SERP2: variants seen among roughly 807,000 people sequenced by gnomAD.
SERP2 encodes the protein stress-associated endoplasmic reticulum protein 2.
A neutral mutation model predicts 9.1 loss-of-function variants in SERP2; 6 were observed. The ratio of observed to expected loss-of-function variants is 0.66; its 90% CI spans 0.36 to 1.30. The LOEUF (loss-of-function observed/expected upper bound fraction) is 1.30. Ranked by LOEUF, SERP2 falls within the 50% of genes most tolerant of loss-of-function variation. The probability of loss-of-function intolerance (pLI) is 0.03; values close to 1 mark genes in which losing one functional copy is unlikely to be tolerated. For synonymous variants in SERP2, 37 were observed against 27.3 expected (o/e 1.35, Z -1.10); for missense variants, 58 against 81.9 (o/e 0.71, Z 1.13).
At chr13:44,393,214 A>G (rs182090499) in intron 2 of SERP2, among the ~76,000 whole-genome samples, 79 of 152,314 alleles carry the variant, frequency 5.2e-4, no homozygotes, top group African/African-American at 1.8e-3. Context: ...AATAGCAGGT[A>G]AGAGAGTGCA....
At chr13:44,395,810 A>C (rs1873068054) in intron 2 of SERP2, 1 of 457,092 alleles carries the variant, frequency 2.2e-6, no homozygotes. Context: ...AGTCTACGGC[A>C]ACAAAATAAT....
Position 44,397,295 on chromosome 13 carries a change from A to G in SERP2, c.181A>G (p.Ile61Val). 6.2e-7 allele frequency: 1 copy of G among 1,613,840 alleles called. No individual in the cohort carries two copies. The highest frequency in any genetic ancestry group is 8.5e-7 in the Non-Finnish European group (1 of 1,179,742). Residue 61 changes from isoleucine to valine, a missense_variant, in exon 3 of 3, where the codon ATA (isoleucine) becomes GTA (valine). Ile to Val is a conservative substitution (Grantham distance 29). Transcript: ENST00000379179. The stretch of plus-strand genomic sequence containing the variant: ...AGCTATCTTTCAGATCATTCAGAGC[A>G]TAAGGATGGGCATGTGAGAAAGCCA... ...GSAIFQIIQS[I>V]RMGM
chr13:44,386,746 T>C (rs1046045214), intron 2 of SERP2, among the ~76,000 whole-genome samples: 2 of 152,378 alleles, frequency 1.3e-5, no homozygotes, highest in African/African-American at 2.4e-5. Context: ...ATACCTGTTA[T>C]GGGTCTGCTC....
intron 2 of SERP2, among the ~76,000 whole-genome samples, chr13:44,394,283 C>G (rs1192136498): frequency 3.9e-5 from 6 of 152,040 alleles, no homozygotes; most frequent in Non-Finnish European, 8.8e-5. Context: ...CACTACCACA[C>G]CCAGCTAATT....
intron 2 of SERP2, among the ~76,000 whole-genome samples, chr13:44,387,866 A>G (rs1367295640): frequency 2.0e-5 from 3 of 152,082 alleles, no homozygotes; most frequent in South Asian, 2.1e-4. Flanking sequence ...CCTAATTTCA[A>G]TTTTATTTCT....
At chr13:44,383,623 C>T (rs981050362) in intron 2 of SERP2, among the ~76,000 whole-genome samples, 3 of 150,220 alleles carry the variant, frequency 2.0e-5, no homozygotes, top group Admixed American at 6.6e-5. Context: ...TCTCGGCCCA[C>T]GGCAACCTCC....
chr13:44,389,161 T>C (rs1251437772), intron 2 of SERP2, among the ~76,000 whole-genome samples: 2 of 152,208 alleles, frequency 1.3e-5, no homozygotes, highest in Non-Finnish European at 2.9e-5. Flanking sequence ...GGAAGGTCTG[T>C]ATTTTGTGGC....
chr13:44,395,552 C>T (rs1873043816), intron 2 of SERP2, among the ~76,000 whole-genome samples: 3 of 142,646 alleles, frequency 2.1e-5, no homozygotes, highest in Admixed American at 1.5e-4. Flanking sequence ...TGCAGTGAGC[C>T]GAGATCGCAC....
At chr13:44,395,064 CT>C (rs1873006346) in intron 2 of SERP2, among the ~76,000 whole-genome samples, 1 of 152,244 alleles carries the variant, frequency 6.6e-6, no homozygotes, top group South Asian at 2.1e-4. Flanking sequence ...CTAAAGTCAA[CT>C]TGTTCGTCAG....
chr13:44,378,716 C>T (rs1367502815), intron 1 of SERP2, among the ~76,000 whole-genome samples: 1 of 151,342 alleles, frequency 6.6e-6, no homozygotes, highest in East Asian at 1.9e-4. Flanking sequence ...CACTTCTTTT[C>T]TGATGCATCT....
intron 2 of SERP2, among the ~76,000 whole-genome samples, chr13:44,393,089 G>T (rs1872879097): frequency 6.6e-6 from 1 of 152,132 alleles, no homozygotes; most frequent in Admixed American, 6.5e-5. Context: ...TAAGGCAAAA[G>T]AAGGTGGAAG....
At chr13:44,380,137 C>T (rs970956967) in intron 2 of SERP2, among the ~76,000 whole-genome samples, 1 of 152,134 alleles carries the variant, frequency 6.6e-6, no homozygotes, top group Non-Finnish European at 1.5e-5. Context: ...TACAACTGAG[C>T]CTTTGACCCA....
chr13:44,394,447 T>A (rs1872965675), intron 2 of SERP2, among the ~76,000 whole-genome samples: 1 of 152,204 alleles, frequency 6.6e-6, no homozygotes, highest in East Asian at 1.9e-4. Context: ...TAAAGAGATT[T>A]GTAACAGTTC....
At chr13:44,397,070 T>C (rs1041703373) in intron 2 of SERP2, among the ~76,000 whole-genome samples, 1 of 152,180 alleles carries the variant, frequency 6.6e-6, no homozygotes, top group African/African-American at 2.4e-5. Context: ...CCCTGAGGCA[T>C]CCATCAGCCG....
intron 2 of SERP2, among the ~76,000 whole-genome samples, chr13:44,392,196 C>CATAAAAAAA (rs1872816161): frequency 2.8e-5 from 1 of 35,980 alleles, no homozygotes; most frequent in Non-Finnish European, 4.4e-5. Context: ...GACTCTGTCT[C>CATAAAAAAA]AAAAAAAAAA....
At chr13:44,383,548 T>TG (rs1555258986) in intron 2 of SERP2, among the ~76,000 whole-genome samples, 6 of 130,310 alleles carry the variant, frequency 4.6e-5, no homozygotes, top group Non-Finnish European at 8.4e-5. Flanking sequence ...GTTTGCGTTT[T>TG]TTTTGTTTTT....
intron 2 of SERP2, among the ~76,000 whole-genome samples, chr13:44,387,452 T>C (rs1302979431): frequency 2.0e-5 from 3 of 152,232 alleles, no homozygotes; most frequent in South Asian, 2.1e-4. Context: ...ATAAGGTTAT[T>C]GCCACGGTAT....
In SERP2 at chr13:44,392,139, A is replaced by C. The variant is rs540714248; in HGVS notation, c.158-5133A>C. Among the ~76,000 whole-genome samples, 3 of 137,308 alleles carry C rather than the reference A, an allele frequency of 2.2e-5. No individual in the cohort carries two copies. The East Asian group carries it at 7.0e-4, about 32-fold the overall frequency. 90.1% of individuals were successfully genotyped at this position (137,308 alleles called of 152,430 possible). On this transcript the variant is annotated intron_variant, in intron 2 of 2. Transcript: ENST00000379179. Reference sequence around the variant, plus strand: ...CTTGAACCCGGAAGACAGAGGTTGCAGTAAGCCGAGATCGTGCCACTGCTC... The same window carrying C: ...CTTGAACCCGGAAGACAGAGGTTGCCGTAAGCCGAGATCGTGCCACTGCTC...
At chr13:44,384,401 C>T (rs1467679355) in intron 2 of SERP2, among the ~76,000 whole-genome samples, 1 of 152,158 alleles carries the variant, frequency 6.6e-6, no homozygotes, top group East Asian at 1.9e-4. Flanking sequence ...TTGTCAGCTG[C>T]TTTGCTTTAG....
Sources: gnomAD v4.1 joint callset for allele counts (sites outside exome capture counted in the v4.1 genomes callset) on GRCh38, gnomAD v4.1.1 for gene constraint, MANE v1.5 for transcripts, NCBI Gene and HGNC (gene_info 2026-07-23, HGNC 2026-07-21) for gene names.